SLC9A1: variants seen among roughly 807,000 people sequenced by gnomAD.
SLC9A1 encodes the protein solute carrier family 9 member A1.
SLC9A1 carries 22 observed loss-of-function variants against 67.9 expected under a neutral mutation model. That is an observed-to-expected ratio of 0.32 (90% CI 0.23 to 0.46). The LOEUF (loss-of-function observed/expected upper bound fraction) is 0.46. Among genes scored for constraint, SLC9A1 ranks in the 20% least tolerant of loss-of-function variants. The pLI, the probability that SLC9A1 is intolerant of heterozygous loss-of-function variation, is 1.00. For synonymous variants in SLC9A1, 421 were observed against 471.8 expected, an observed-to-expected ratio of 0.89 and a Z score of 1.40; for missense variants, 686 against 1,094.8, an observed-to-expected ratio of 0.63 and a Z score of 5.27.
Position 27,100,075 on chromosome 1 carries a change from GC to G in SLC9A1, c.*231del. 2 of 446,642 alleles carry G rather than the reference GC, an allele frequency of 4.5e-6. No individual in the cohort carries two copies. Among genetic ancestry groups the G allele is most frequent in the Non-Finnish European group, 7.9e-6 (2 of 254,290 alleles). The allele number at this position is 446,642 out of a possible 1,614,324, so 27.7% of individuals were successfully genotyped here. A position where few individuals can be genotyped will look rare whatever the true frequency, so the allele number is the denominator to read the frequency against. On this transcript the variant is annotated 3_prime_UTR_variant, in exon 12 of 12. Transcript: ENST00000263980. The surrounding 1 kb of genome is among the most constrained non-coding windows in gnomAD (Gnocchi z 5.6). Reference sequence around the variant, plus strand: ...GGGAGGGGCAGGGCCGGCCTCACCAGCCCCAGCAGTTCTGCCAAATGGATTG... The same window carrying G: ...GGGAGGGGCAGGGCCGGCCTCACCAGCCCAGCAGTTCTGCCAAATGGATTG...
intron 1 of SLC9A1, among the ~76,000 whole-genome samples, chr1:27,145,023 C>T (rs570003686): frequency 6.8e-6 from 1 of 147,222 alleles, no homozygotes; most frequent in Non-Finnish European, 1.5e-5. Flanking sequence ...CACTCTGGCA[C>T]TCCAACCCAG....
Position 27,101,109 on chromosome 1 carries a change from C to A in SLC9A1, c.2110+94G>T. The A allele has an allele frequency of 1.0e-6, 1 of 961,620 alleles. No homozygotes were observed. The allele number at this position is 961,620 out of a possible 1,614,324, so 59.6% of individuals were successfully genotyped here. A position where few individuals can be genotyped will look rare whatever the true frequency, so the allele number is the denominator to read the frequency against. ...GAGGTCAGCGAGGGCCAGGCCTGTC[C>A]TCCCAGTGGCTGAGGACTGTTCCTG... On this transcript the variant is annotated intron_variant, in intron 11 of 11. Transcript: ENST00000263980. The surrounding 1 kb of genome is among the most constrained non-coding windows in gnomAD (Gnocchi z 4.9).
At chr1:27,103,171 T>C (rs946300578) in intron 6 of SLC9A1, 52 bp downstream of exon 6, 33 of 1,318,796 alleles carry the variant, frequency 2.5e-5, no homozygotes, top group African/African-American at 5.8e-5. Flanking sequence ...AGCTGCTCCC[T>C]ATCTCCCTGT....
At chr1:27,103,366 C>CTCTGTGGCCT in intron 5 of SLC9A1, 54 bp from the exon 6 acceptor site, 1 of 1,272,598 alleles carries the variant, frequency 7.9e-7, no homozygotes, top group African/African-American at 1.5e-5. Flanking sequence ...GGCAGGGAGG[C>CTCTGTGGCCT]CACAGAGCCT....
chr1:27,120,409 A>C (rs1029984707), intron 1 of SLC9A1, among the ~76,000 whole-genome samples: 1 of 151,396 alleles, frequency 6.6e-6, no homozygotes, highest in Non-Finnish European at 1.5e-5. Flanking sequence ...TACAGGCGTG[A>C]GCCACCGCAC....
rs2083138049 is a variant in SLC9A1 at position 27,100,893 on chromosome 1, G to C, written c.2111-249C>G. Among the ~76,000 whole-genome samples the C allele has an allele frequency of 6.6e-6, 1 of 152,216 alleles. No homozygotes were observed. The highest frequency in any genetic ancestry group is 1.5e-5 in the Non-Finnish European group (1 of 68,022). ...AGGCCAAGGCCTGGGGCTCCTCCCT[G>C]AGTCAGTCTGCCCTGGGGCCCTGCC... On this transcript the variant is annotated intron_variant, in intron 11 of 11. Coordinates refer to ENST00000263980, the MANE Select transcript of SLC9A1 (RefSeq NM_003047.5). The surrounding 1 kb of genome is among the most constrained non-coding windows in gnomAD (Gnocchi z 5.6).
chr1:27,135,107 TGG>T (rs2083411032), intron 1 of SLC9A1, among the ~76,000 whole-genome samples: 1 of 151,442 alleles, frequency 6.6e-6, no homozygotes, highest in Non-Finnish European at 1.5e-5. Context: ...TGGAGTGCAG[TGG>T]CACAATCATG....
chr1:27,140,083 G>A (rs986803112), intron 1 of SLC9A1, among the ~76,000 whole-genome samples: 3 of 151,946 alleles, frequency 2.0e-5, no homozygotes, highest in East Asian at 1.9e-4. Flanking sequence ...GTGAGCCACC[G>A]CACCTGGCCA....
chr1:27,112,215 T>C (rs1288249612), intron 2 of SLC9A1, among the ~76,000 whole-genome samples: 3 of 152,196 alleles, frequency 2.0e-5, no homozygotes, highest in Admixed American at 2.0e-4. Context: ...GAGGCCTGCC[T>C]GCTCAGGTCA....
intron 2 of SLC9A1, among the ~76,000 whole-genome samples, chr1:27,110,054 G>A (rs1240184783): frequency 2.0e-5 from 3 of 152,210 alleles, no homozygotes; most frequent in African/African-American, 7.2e-5. Flanking sequence ...TGGAATCCTG[G>A]CTCTGCCACT....
At chr1:27,122,030 T>C (rs2083307706) in intron 1 of SLC9A1, among the ~76,000 whole-genome samples, 1 of 152,072 alleles carries the variant, frequency 6.6e-6, no homozygotes, top group African/African-American at 2.4e-5. Context: ...GCATAAGAAT[T>C]GCTTGAACCT....
intron 1 of SLC9A1, among the ~76,000 whole-genome samples, chr1:27,133,686 A>C (rs1393695040): frequency 2.0e-5 from 3 of 151,708 alleles, no homozygotes; most frequent in Non-Finnish European, 4.4e-5. Flanking sequence ...GCCTTCTTAG[A>C]CCAGAGGATG....
chr1:27,131,949 T>TAAAAAAAAAAAAAAAAAAAAAAAAAAAA (rs200128151), intron 1 of SLC9A1, among the ~76,000 whole-genome samples: 1 of 25,316 alleles, frequency 4.0e-5, no homozygotes, highest in African/African-American at 9.5e-5. Flanking sequence ...AAAAAAAAAA[T>TAAAAAAAAAAAAAAAAAAAAAAAAAAAA]ATATATATAT....
chr1:27,113,262 C>G (rs1450189778), intron 2 of SLC9A1, among the ~76,000 whole-genome samples: 1 of 152,072 alleles, frequency 6.6e-6, no homozygotes, highest in African/African-American at 2.4e-5. Flanking sequence ...AGTTCAAGAC[C>G]AGCCTGGGCA....
At chr1:27,142,370 G>T (rs898676638) in intron 1 of SLC9A1, among the ~76,000 whole-genome samples, 2 of 152,214 alleles carry the variant, frequency 1.3e-5, no homozygotes, top group Admixed American at 1.3e-4. Flanking sequence ...GGGCCTGGGG[G>T]TTACAAGCTA....
At position 27,118,312 on chromosome 1, in the gene SLC9A1, G is replaced by A. The variant is rs2083284852; in HGVS notation, c.353-4026C>T. On this transcript the variant is annotated intron_variant, in intron 1 of 11. Coordinates refer to ENST00000263980, the MANE Select transcript of SLC9A1 (RefSeq NM_003047.5). The surrounding 1 kb of genome is among the most constrained non-coding windows in gnomAD (Gnocchi z 4.3). ...ACTTTTGGCTCCCTGCCTGTGGGTAGGTGGCACATTATTGGAAAGCACTTC... is the reference window on the plus strand; with the variant it reads ...ACTTTTGGCTCCCTGCCTGTGGGTAAGTGGCACATTATTGGAAAGCACTTC... Among the ~76,000 whole-genome samples the A allele has an allele frequency of 6.6e-6, 1 of 152,226 alleles. No individual in the cohort carries two copies. Among genetic ancestry groups the A allele is most frequent in the Non-Finnish European group, 1.5e-5 (1 of 68,040 alleles).
In SLC9A1 at chr1:27,102,630, C is replaced by T. The variant is rs761482310; in HGVS notation, c.1646+43G>A. On this transcript the variant is annotated intron_variant, in intron 7 of 11. Transcript: ENST00000263980. ...GGGAGATGCCCAGGCCCAGGAGACCCTTGCCTGCCCCTCCCTGCCTGCCCA... is the reference window on the plus strand; with the variant it reads ...GGGAGATGCCCAGGCCCAGGAGACCTTTGCCTGCCCCTCCCTGCCTGCCCA... 5.6e-6 allele frequency: 9 copies of T among 1,612,106 alleles called. No homozygotes were observed. In the South Asian group the frequency reaches 7.7e-5, roughly 14 times the overall value.
In SLC9A1 at chr1:27,103,219, G is replaced by A. The variant is rs1282830587; in HGVS notation, c.1575+4C>T. Reference sequence around the variant, plus strand: ...AACCAAGGGCCCAGCCCGCACTCCAGTACCTGTGTGTGGATCTCTTCGTTG... The same window carrying A: ...AACCAAGGGCCCAGCCCGCACTCCAATACCTGTGTGTGGATCTCTTCGTTG... On this transcript the variant is annotated splice_donor_region_variant and intron_variant, in intron 6 of 11. Coordinates refer to ENST00000263980, the MANE Select transcript of SLC9A1 (RefSeq NM_003047.5). 6.2e-7 allele frequency: 1 copy of A among 1,608,688 alleles called. No homozygotes were observed. Among genetic ancestry groups the A allele is most frequent in the South Asian group, 1.1e-5 (1 of 90,992 alleles).
chr1:27,131,413 G>T (rs2083383181), intron 1 of SLC9A1, among the ~76,000 whole-genome samples: 1 of 133,128 alleles, frequency 7.5e-6, no homozygotes, highest in Non-Finnish European at 1.6e-5. Flanking sequence ...GGCCAACATG[G>T]TGAAACCCCG....
Sources: gnomAD v4.1 joint callset for allele counts (sites outside exome capture counted in the v4.1 genomes callset) on GRCh38, gnomAD v4.1.1 for gene constraint, Gnocchi (gnomAD v3.1) non-coding constraint, MANE v1.5 for transcripts, NCBI Gene and HGNC (gene_info 2026-07-23, HGNC 2026-07-21) for gene names.